Variants in RNFT2 observed in about 807,000 individuals in gnomAD.
RNFT2 encodes ring finger protein, transmembrane 2.
A neutral mutation model predicts 53.0 loss-of-function variants in RNFT2; 36 were observed. The observed-to-expected ratio is 0.68, with a 90% confidence interval of 0.52 to 0.90. The LOEUF (loss-of-function observed/expected upper bound fraction) is 0.90. Among genes scored for constraint, RNFT2 ranks in the 40% least tolerant of loss-of-function variants. The pLI, the probability that RNFT2 is intolerant of heterozygous loss-of-function variation, is 0.00. For missense variants in RNFT2, 514 were observed against 585.6 expected (o/e 0.88, Z 1.26); for synonymous variants, 260 against 253.2 (o/e 1.03, Z -0.26).
In RNFT2 at chr12:116,849,773, CTCTT is replaced by C. The variant is rs1383436291; in HGVS notation, c.*331_*334del. 3 of 1,111,954 alleles carry C rather than the reference CTCTT, an allele frequency of 2.7e-6. No homozygotes were observed. The highest frequency in any genetic ancestry group is 3.8e-4 in the Middle Eastern group (1 of 2,662). 68.9% of individuals were successfully genotyped at this position (1,111,954 alleles called of 1,614,324 possible). A position where few individuals can be genotyped will look rare whatever the true frequency, so the allele number is the denominator to read the frequency against. On this transcript the variant is annotated 3_prime_UTR_variant, in exon 11 of 11. Transcript: ENST00000257575. ...GAAGTTCCCACTTGTTGGTTATTTT[CTCTT>C]TCTTTTTTCTTTTCTTTTCTTTCTC...
At chr12:116,815,552 G>A (rs1001575025) in intron 7 of RNFT2, among the ~76,000 whole-genome samples, 1 of 152,114 alleles carries the variant, frequency 6.6e-6, no homozygotes, top group Admixed American at 6.6e-5. Context: ...CTCTGTGTCT[G>A]TTGTCTCATT....
At chr12:116,810,018 C>T (rs755600041) in intron 7 of RNFT2, among the ~76,000 whole-genome samples, 15 of 152,132 alleles carry the variant, frequency 9.9e-5, no homozygotes, top group Non-Finnish European at 2.1e-4. Flanking sequence ...AACCAAGTCC[C>T]CAAAGTGACC....
intron 7 of RNFT2, among the ~76,000 whole-genome samples, chr12:116,789,547 G>A (rs1874119633): frequency 6.8e-6 from 1 of 147,678 alleles, no homozygotes; most frequent in Non-Finnish European, 1.5e-5. Context: ...TAAATGGGAG[G>A]AGAGTGAGTA....
At chr12:116,827,017 C>T (rs773994194) in intron 7 of RNFT2, among the ~76,000 whole-genome samples, 1 of 151,808 alleles carries the variant, frequency 6.6e-6, no homozygotes, top group Non-Finnish European at 1.5e-5. Context: ...CTCAGGAGTT[C>T]GAGACCAGCC....
chr12:116,803,269 G>A (rs1011876181), intron 7 of RNFT2, among the ~76,000 whole-genome samples: 2 of 152,100 alleles, frequency 1.3e-5, no homozygotes, highest in African/African-American at 2.4e-5. Context: ...CACCTGCCAC[G>A]GGGGTGATGT....
intron 7 of RNFT2, among the ~76,000 whole-genome samples, chr12:116,786,949 A>ATGCCTCTCTC (rs369097268): frequency 6.6e-6 from 1 of 152,108 alleles, no homozygotes; most frequent in Non-Finnish European, 1.5e-5. Flanking sequence ...TCTGTGAATG[A>ATGCCTCTCTC]TGCCTCTCTC....
rs114456148 is a variant in RNFT2, at chr12:116,795,740, A to G, written c.882+16392A>G. Reference sequence around the variant, plus strand: ...GAAACATAAAAGCGGGCCCTTCCCTAAGAACTCTCTACAAGTCCCCTGTTC... The same window carrying G: ...GAAACATAAAAGCGGGCCCTTCCCTGAGAACTCTCTACAAGTCCCCTGTTC... On this transcript the variant is annotated intron_variant, in intron 7 of 10. Coordinates refer to ENST00000257575, the MANE Select transcript of RNFT2 (RefSeq NM_001382266.1). Among the ~76,000 whole-genome samples the G allele has an allele frequency of 4.8e-3, 727 of 152,260 alleles. 8 individuals are homozygous for G. The highest frequency in any genetic ancestry group is 0.017 in the African/African-American group (703 of 41,542).
chr12:116,750,886 TATATAATATATATATATATA>T (rs1566069523), intron 4 of RNFT2, among the ~76,000 whole-genome samples: 1,214 of 4,588 alleles, frequency 0.26, 120 homozygotes, highest in African/African-American at 0.39. Context: ...ATATATTATA[TATATAATATATATATATATA>T]TATTTTTTTT....
chr12:116,796,090 G>A (rs1874493370), intron 7 of RNFT2, among the ~76,000 whole-genome samples: 2 of 151,778 alleles, frequency 1.3e-5, no homozygotes, highest in African/African-American at 4.8e-5. Context: ...TGTATTTTTA[G>A]TAGAGAAGGG....
At chr12:116,790,344 G>T (rs938224208) in intron 7 of RNFT2, among the ~76,000 whole-genome samples, 2 of 151,602 alleles carry the variant, frequency 1.3e-5, no homozygotes, top group African/African-American at 4.9e-5. Flanking sequence ...ATACATCAGT[G>T]AACCAGTAAA....
At chr12:116,803,670 A>C (rs1437929604) in intron 7 of RNFT2, among the ~76,000 whole-genome samples, 1 of 152,212 alleles carries the variant, frequency 6.6e-6, no homozygotes, top group African/African-American at 2.4e-5. Context: ...GCAGTCATTT[A>C]GGGATCGTGG....
Position 116,852,455 on chromosome 12 carries a change from A to T in RNFT2, c.*3007A>T. On this transcript the variant is annotated 3_prime_UTR_variant, in exon 11 of 11. Transcript: ENST00000257575. The stretch of plus-strand genomic sequence containing the variant: ...GTTCCAGGGCAGTGTAGCATCTTTC[A>T]AGCTCCGTTACTATGGCGATGGCCA... 7.0e-7 allele frequency: 1 copy of T among 1,427,058 alleles called. No individual in the cohort carries two copies. Among genetic ancestry groups the T allele is most frequent in the South Asian group, 1.5e-5 (1 of 67,662 alleles). 88.4% of individuals were successfully genotyped at this position (1,427,058 alleles called of 1,614,324 possible).
intron 10 of RNFT2, among the ~76,000 whole-genome samples, chr12:116,845,243 CAAAAAA>C (rs66920809): frequency 1.2e-5 from 1 of 82,766 alleles, no homozygotes; most frequent in Non-Finnish European, 2.2e-5. Flanking sequence ...GACCCGGTTT[CAAAAAA>C]AAAAAAAAAA....
At chr12:116,836,321 T>A (rs1426674892) in intron 10 of RNFT2, 39 bp downstream of exon 10, 1 of 1,511,904 alleles carries the variant, frequency 6.6e-7, no homozygotes, top group African/African-American at 1.4e-5. Context: ...AGACCAAGGC[T>A]GGGGGAGAGT....
At chr12:116,806,407 T>TAGATAGAC (rs1875079951) in intron 7 of RNFT2, among the ~76,000 whole-genome samples, 2 of 149,728 alleles carry the variant, frequency 1.3e-5, no homozygotes, top group African/African-American at 4.9e-5. Flanking sequence ...TATAGATAGA[T>TAGATAGAC]AGATAGATAG....
chr12:116,812,981 G>C (rs1875462269), intron 7 of RNFT2, among the ~76,000 whole-genome samples: 1 of 151,758 alleles, frequency 6.6e-6, no homozygotes, highest in Admixed American at 6.6e-5. Context: ...TTTGAAACAG[G>C]GTCTCACTCT....
intron 5 of RNFT2, among the ~76,000 whole-genome samples, chr12:116,764,676 G>A (rs1378413168): frequency 1.3e-5 from 2 of 152,212 alleles, no homozygotes; most frequent in Non-Finnish European, 1.5e-5. Flanking sequence ...TAGATCACCT[G>A]AGTTCAGCAG....
chr12:116,797,222 T>C (rs568269050), intron 7 of RNFT2, among the ~76,000 whole-genome samples: 67 of 152,062 alleles, frequency 4.4e-4, no homozygotes, highest in Non-Finnish European at 8.8e-4. Context: ...TGTGTTGGAG[T>C]CCAAACCCCA....
chr12:116,758,079 C>A (rs1471300693), intron 5 of RNFT2, among the ~76,000 whole-genome samples: 1 of 152,142 alleles, frequency 6.6e-6, no homozygotes, highest in East Asian at 1.9e-4. Flanking sequence ...TATATAATGT[C>A]CCTCTTTGTC....
Sources: allele counts gnomAD v4.1 joint callset (sites outside exome capture counted in the v4.1 genomes callset), GRCh38; gene constraint gnomAD v4.1.1; transcripts MANE v1.5; gene names NCBI Gene and HGNC (gene_info 2026-07-23, HGNC 2026-07-21).